The following MRPS21 variants were observed in gnomAD, a reference collection of about 807,000 sequenced individuals.
MRPS21 encodes the protein small ribosomal subunit protein bS21m.
MRPS21 carries 8 observed loss-of-function variants against 9.9 expected under a neutral mutation model. That is an observed-to-expected ratio of 0.81 (90% CI 0.47 to 1.45). The LOEUF (loss-of-function observed/expected upper bound fraction) is 1.45. Ranked by LOEUF, MRPS21 falls within the 40% of genes most tolerant of loss-of-function variation. The pLI, the probability that MRPS21 is intolerant of heterozygous loss-of-function variation, is 0.00. For synonymous variants in MRPS21, 40 were observed against 40.3 expected (o/e 0.99, Z 0.03); for missense variants, 101 against 118.9 (o/e 0.85, Z 0.70).
intron 2 of MRPS21, among the ~76,000 whole-genome samples, chr1:150,303,209 T>G (rs1654209481): frequency 6.6e-6 from 1 of 152,218 alleles, no homozygotes; most frequent in South Asian, 2.1e-4. Context: ...TAGGTTCGTC[T>G]TCCTAGGTCA....
At chr1:150,295,526 A>G (rs1439656436) in intron 2 of MRPS21, among the ~76,000 whole-genome samples, 1 of 152,208 alleles carries the variant, frequency 6.6e-6, no homozygotes, top group African/African-American at 2.4e-5. Context: ...CAAGATGTGA[A>G]GTTGCTAGGA....
At chr1:150,302,455 G>T (rs2101908689) in intron 2 of MRPS21, among the ~76,000 whole-genome samples, 1 of 152,232 alleles carries the variant, frequency 6.6e-6, no homozygotes, top group South Asian at 2.1e-4. Flanking sequence ...CTCCTAGTGG[G>T]CTACCTTCTG....
chr1:150,294,996 A>ATTT (rs1449221647), intron 2 of MRPS21, among the ~76,000 whole-genome samples: 1 of 136,590 alleles, frequency 7.3e-6, no homozygotes, highest in Non-Finnish European at 1.6e-5. Flanking sequence ...TTTAATTTTA[A>ATTT]TTTTTTTTTT....
At chr1:150,294,581 A>C in intron 2 of MRPS21, 132 bp downstream of exon 2, 1 of 755,252 alleles carries the variant, frequency 1.3e-6, no homozygotes. Flanking sequence ...AAAACGTCTC[A>C]GCCCCTCAGT....
intron 2 of MRPS21, 70 bp downstream of exon 2, chr1:150,294,519 C>T (rs782367586): frequency 4.7e-5 from 61 of 1,308,748 alleles, no homozygotes; most frequent in Non-Finnish European, 6.7e-5. Context: ...CTCCCTTCCC[C>T]TTTCGTTGAT....
At chr1:150,307,453 G>A (rs1204881242) in intron 2 of MRPS21, among the ~76,000 whole-genome samples, 2 of 148,410 alleles carry the variant, frequency 1.3e-5, no homozygotes, top group African/African-American at 2.5e-5. Context: ...GAACTCCCAG[G>A]TTCAATTGAT....
chr1:150,295,571 G>A (rs1653887627), intron 2 of MRPS21, among the ~76,000 whole-genome samples: 1 of 152,100 alleles, frequency 6.6e-6, no homozygotes, highest in South Asian at 2.1e-4. Context: ...GAAAGCTGAG[G>A]GAGTGATTGG....
rs71622690 is a variant in MRPS21 at position 150,308,908 on chromosome 1, C to T, written c.*680C>T. 33,228 of 154,518 alleles carry T rather than the reference C, an allele frequency of 0.22. 4,057 individuals are homozygous for T. The highest frequency in any genetic ancestry group is 0.29 in the African/African-American group (12,113 of 41,508). 9.6% of individuals were successfully genotyped at this position (154,518 alleles called of 1,614,324 possible). A position where few individuals can be genotyped will look rare whatever the true frequency, so the allele number is the denominator to read the frequency against. On this transcript the variant is annotated 3_prime_UTR_variant, in exon 3 of 3. Transcript: ENST00000614145. The stretch of plus-strand genomic sequence containing the variant: ...AAAAAGTTGAATGTACTTAATGCCA[C>T]TGAACTATACCCTTAAATGGTCACG...
At chr1:150,294,636 C>G (rs1380313079) in intron 2 of MRPS21, among the ~76,000 whole-genome samples, 187 bp downstream of exon 2, 2 of 152,102 alleles carry the variant, frequency 1.3e-5, no homozygotes, top group African/African-American at 4.8e-5. Flanking sequence ...CGGTGGCTCA[C>G]GCCTGTAATC....
chr1:150,303,964 A>G (rs895296102), intron 2 of MRPS21: 3 of 455,016 alleles, frequency 6.6e-6, no homozygotes, highest in Admixed American at 4.7e-5. Flanking sequence ...CTAACCTTAG[A>G]AAAGACACAA....
intron 2 of MRPS21, among the ~76,000 whole-genome samples, chr1:150,302,809 C>T (rs781806853): frequency 3.9e-5 from 6 of 152,102 alleles, no homozygotes; most frequent in Non-Finnish European, 7.4e-5. Flanking sequence ...GTAGATACCT[C>T]TACTATAGGG....
chr1:150,303,782 A>G, intron 2 of MRPS21: 1 of 398,994 alleles, frequency 2.5e-6, no homozygotes, highest in Non-Finnish European at 5.2e-6. Context: ...AGGTAATACT[A>G]TTGAGGCTTT....
intron 2 of MRPS21, among the ~76,000 whole-genome samples, chr1:150,295,182 G>C (rs1653872752): frequency 6.6e-6 from 1 of 151,902 alleles, no homozygotes; most frequent in African/African-American, 2.4e-5. Flanking sequence ...TTATAGTAGA[G>C]ATGGGGTTTC....
intron 1 of MRPS21, chr1:150,294,113 C>T: frequency 2.4e-6 from 1 of 416,838 alleles, no homozygotes; most frequent in Non-Finnish European, 4.6e-6. Flanking sequence ...TGTGGTAACG[C>T]CCTGCTGCCA....
chr1:150,308,391 G>T lies in MRPS21; in HGVS notation c.*163G>T. 1 of 620,210 alleles carries T rather than the reference G, an allele frequency of 1.6e-6. No homozygotes were observed. Among genetic ancestry groups the T allele is most frequent in the Non-Finnish European group, 2.6e-6 (1 of 380,228 alleles). The allele number at this position is 620,210 out of a possible 1,614,324, so 38.4% of individuals were successfully genotyped here. On this transcript the variant is annotated 3_prime_UTR_variant, in exon 3 of 3. Transcript: ENST00000614145. ...AGAAACAATCCCATTAGTCAGCAGT[G>T]GACCCTGTCTTTTATTAAGTGAAAG... is the stretch of plus-strand genomic sequence containing the variant.
In MRPS21 at chr1:150,295,546, G is replaced by A. The variant is rs115974815; in HGVS notation, c.83+1097G>A. Among the ~76,000 whole-genome samples, 190 of 152,264 alleles carry A rather than the reference G, an allele frequency of 1.2e-3. 2 individuals are homozygous for A. The highest frequency in any genetic ancestry group is 4.4e-3 in the African/African-American group (183 of 41,544). On this transcript the variant is annotated intron_variant, in intron 2 of 2. Transcript: ENST00000614145. ...TGTGAAGTTGCTAGGAAGCGGGAACGTAGTATGATAAATAGAAAGCTGAGG... is the reference window on the plus strand; with the variant it reads ...TGTGAAGTTGCTAGGAAGCGGGAACATAGTATGATAAATAGAAAGCTGAGG...
intron 2 of MRPS21, among the ~76,000 whole-genome samples, chr1:150,303,636 G>A (rs978615139): frequency 3.9e-5 from 6 of 152,142 alleles, no homozygotes; most frequent in Non-Finnish European, 7.4e-5. Context: ...GTGATCTTGG[G>A]CGGGTCAGCC....
intron 2 of MRPS21, among the ~76,000 whole-genome samples, chr1:150,295,880 T>C (rs1653898357): frequency 6.6e-6 from 1 of 151,534 alleles, no homozygotes; most frequent in South Asian, 2.1e-4. Context: ...CTAGCTGGGG[T>C]GGAGGAGCTT....
At chr1:150,294,046 G>A (rs587678908) in intron 1 of MRPS21, 148 bp downstream of exon 1, 71 of 334,842 alleles carry the variant, frequency 2.1e-4, no homozygotes, top group African/African-American at 1.5e-3. Context: ...GTGGTGGTTG[G>A]GACCCTGTGG....
Sources: allele counts gnomAD v4.1 joint callset (sites outside exome capture counted in the v4.1 genomes callset), GRCh38; gene constraint gnomAD v4.1.1; transcripts MANE v1.5; gene names NCBI Gene and HGNC (gene_info 2026-07-23, HGNC 2026-07-21).